The following SMOC1 variants were observed in gnomAD, a reference collection of about 807,000 sequenced individuals.
SMOC1 encodes SPARC-related modular calcium-binding protein 1.
Under a neutral mutation model 56.3 loss-of-function variants are expected in SMOC1, and 22 were observed. The observed-to-expected ratio is 0.39, with a 90% CI of 0.28 to 0.56. SMOC1 has a LOEUF of 0.56. SMOC1 is among the 20% of genes least tolerant of loss of function. SMOC1 has a pLI of 0.61. For missense variants in SMOC1, 509 were observed against 565.4 expected, an observed-to-expected ratio of 0.90 and a Z score of 1.01; for synonymous variants, 193 against 215.0, an observed-to-expected ratio of 0.90 and a Z score of 0.89.
chr14:69,897,104 C>T (rs1470045701), intron 1 of SMOC1, among the ~76,000 whole-genome samples: 3 of 152,164 alleles, frequency 2.0e-5, no homozygotes, highest in African/African-American at 7.2e-5. Flanking sequence ...AGGAACATTC[C>T]ATGGAACTGG....
chr14:69,907,559 C>T (rs1884443522), intron 1 of SMOC1, among the ~76,000 whole-genome samples: 2 of 152,154 alleles, frequency 1.3e-5, no homozygotes, highest in African/African-American at 4.8e-5. Context: ...GGTGTGGGCC[C>T]AGAATTTAGG....
chr14:70,010,924 C>T lies in SMOC1; in HGVS notation c.835C>T (p.Pro279Ser). Residue 279 changes from proline to serine, a missense_variant, in exon 8 of 12, where the codon CCG becomes TCG. Transcript: ENST00000361956. ...GTGTGTGCTGGTGGACACAGGGCGC[C>T]CGCTGCCTGGGACCTCCACACGGTA... The part of the protein sequence containing the change: ...CWCVLVDTGR[P>S]LPGTSTRYVM... 3 of 1,612,832 alleles carry T rather than the reference C, an allele frequency of 1.9e-6. No homozygotes were observed. The highest frequency in any genetic ancestry group is 2.5e-6 in the Non-Finnish European group (3 of 1,180,022).
intron 11 of SMOC1, among the ~76,000 whole-genome samples, chr14:70,026,476 C>T (rs1885930432): frequency 1.3e-5 from 2 of 152,232 alleles, no homozygotes; most frequent in African/African-American, 4.8e-5. Flanking sequence ...CAGGACCTGA[C>T]AGAAGCATCC....
At chr14:70,003,655 A>G (rs773642395) in intron 7 of SMOC1, among the ~76,000 whole-genome samples, 30 of 152,274 alleles carry the variant, frequency 2.0e-4, no homozygotes, top group Non-Finnish European at 3.7e-4. Flanking sequence ...CTCAGGAAGG[A>G]TGTGCAGAGC....
chr14:69,882,237 G>C (rs2139281182), intron 1 of SMOC1, among the ~76,000 whole-genome samples: 1 of 152,274 alleles, frequency 6.6e-6, no homozygotes, highest in East Asian at 1.9e-4. Flanking sequence ...CATCTGGCTT[G>C]TTGCATTATT....
intron 1 of SMOC1, among the ~76,000 whole-genome samples, chr14:69,889,179 A>G (rs1883892220): frequency 6.6e-6 from 1 of 152,192 alleles, no homozygotes; most frequent in Non-Finnish European, 1.5e-5. Flanking sequence ...GACTCTGACC[A>G]GTGTGTCCAA....
chr14:70,003,735 C>T (rs1337578770), intron 7 of SMOC1, among the ~76,000 whole-genome samples: 1 of 152,176 alleles, frequency 6.6e-6, no homozygotes, highest in Non-Finnish European at 1.5e-5. Context: ...AGGGCAGATC[C>T]TCCACTGCTT....
At chr14:70,011,437 C>A in intron 8 of SMOC1, 48 bp from the exon 9 acceptor site, 1 of 1,532,326 alleles carries the variant, frequency 6.5e-7, no homozygotes. Flanking sequence ...CTGAAGTAGG[C>A]TCAGTTGCCA....
At chr14:69,891,388 A>G (rs1183235574) in intron 1 of SMOC1, among the ~76,000 whole-genome samples, 2 of 152,224 alleles carry the variant, frequency 1.3e-5, no homozygotes, top group Non-Finnish European at 2.9e-5. Context: ...CATTTTTCAT[A>G]AGATATTAAA....
At chr14:69,921,015 C>G (rs995411833) in intron 1 of SMOC1, among the ~76,000 whole-genome samples, 2 of 152,204 alleles carry the variant, frequency 1.3e-5, no homozygotes, top group African/African-American at 4.8e-5. Context: ...TCACTCCATT[C>G]CTTGTGGGTG....
At chr14:69,930,960 A>G (rs987408933) in intron 1 of SMOC1, among the ~76,000 whole-genome samples, 1 of 152,114 alleles carries the variant, frequency 6.6e-6, no homozygotes, top group African/African-American at 2.4e-5. Flanking sequence ...TCAACACCTC[A>G]TGCTTGCATT....
chr14:70,023,192 C>T lies in SMOC1; in HGVS notation c.1047-11C>T, dbSNP rs1885793430. 6.2e-7 allele frequency: 1 copy of T among 1,613,848 alleles called. No individual in the cohort carries two copies. The highest frequency in any genetic ancestry group is 1.3e-5 in the African/African-American group (1 of 74,850). On this transcript the variant is annotated splice_polypyrimidine_tract_variant and intron_variant, in intron 10 of 11. Transcript: ENST00000361956. ...TGTTCTCTGCGGTGGGGGTGTTTGTCCATGGCCCAGGTTCTCAGAGCCAGA... is the reference window on the plus strand; with the variant it reads ...TGTTCTCTGCGGTGGGGGTGTTTGTTCATGGCCCAGGTTCTCAGAGCCAGA...
intron 1 of SMOC1, among the ~76,000 whole-genome samples, chr14:69,936,151 C>T (rs1244818942): frequency 2.6e-5 from 4 of 152,142 alleles, no homozygotes; most frequent in Non-Finnish European, 1.5e-5. Context: ...ATATCACCAC[C>T]GTTTGTCACC....
At chr14:69,996,716 C>A (rs1200164634) in intron 7 of SMOC1, among the ~76,000 whole-genome samples, 3 of 152,200 alleles carry the variant, frequency 2.0e-5, no homozygotes, top group African/African-American at 7.2e-5. Flanking sequence ...TTGGGAGAGA[C>A]CTAACAGTTC....
At chr14:69,889,087 A>T (rs1043769552) in intron 1 of SMOC1, among the ~76,000 whole-genome samples, 20 of 152,288 alleles carry the variant, frequency 1.3e-4, no homozygotes, top group African/African-American at 4.8e-4. Context: ...TGAGGACCTG[A>T]ATTTTAAATT....
Position 70,013,461 on chromosome 14 carries a change from T to TTAAC in SMOC1, c.1018_1021dup (p.Ser341Ter). The TTAAC allele has an allele frequency of 6.2e-7, 1 of 1,614,188 alleles. No individual in the cohort carries two copies. The highest frequency in any genetic ancestry group is 8.5e-7 in the Non-Finnish European group (1 of 1,180,014). On this transcript the variant is annotated frameshift_variant, in exon 10 of 12. Coordinates refer to ENST00000361956, the MANE Select transcript of SMOC1 (RefSeq NM_001034852.3). LOFTEE classifies it high-confidence loss of function. ...CTCACCACTGACATGGTTCAGGCCA[T>TTAAC]TAACTCAGCAGCGCCCACTGGAGGT...
At chr14:69,948,261 C>T (rs1370537365) in intron 1 of SMOC1, among the ~76,000 whole-genome samples, 2 of 152,196 alleles carry the variant, frequency 1.3e-5, no homozygotes, top group South Asian at 4.1e-4. Context: ...CAAATACACA[C>T]AGTTCCTAAA....
intron 5 of SMOC1, among the ~76,000 whole-genome samples, chr14:69,983,385 A>G (rs1884249266): frequency 6.6e-6 from 1 of 152,218 alleles, no homozygotes; most frequent in Admixed American, 6.5e-5. Flanking sequence ...GGACCCAGGG[A>G]TGAGTATAAC....
chr14:70,030,040 G>T (rs1825221672), intron 11 of SMOC1, among the ~76,000 whole-genome samples: 1 of 152,180 alleles, frequency 6.6e-6, no homozygotes, highest in African/African-American at 2.4e-5. Context: ...GCAAAGGACA[G>T]GCTGGTAAAA....
Sources: allele counts gnomAD v4.1 joint callset (sites outside exome capture counted in the v4.1 genomes callset), GRCh38; gene constraint gnomAD v4.1.1; transcripts MANE v1.5; gene names NCBI Gene and HGNC (gene_info 2026-07-23, HGNC 2026-07-21).